The following ADAP2 variants were observed in gnomAD, a reference collection of about 807,000 sequenced individuals.
ADAP2 encodes ArfGAP with dual PH domains 2.
A neutral mutation model predicts 54.9 loss-of-function variants in ADAP2; 42 were observed. That is an observed-to-expected ratio of 0.77 (90% CI 0.60 to 0.99). The LOEUF (loss-of-function observed/expected upper bound fraction) is 0.99. Ranked by LOEUF, ADAP2 falls within the 50% of genes least tolerant of loss-of-function variation. ADAP2 has a pLI of 0.00. For missense variants in ADAP2, 429 were observed against 480.4 expected, an observed-to-expected ratio of 0.89 and a Z score of 1.00; for synonymous variants, 177 against 180.1, an observed-to-expected ratio of 0.98 and a Z score of 0.14.
At chr17:30,939,924 A>T (rs1438844095) in intron 5 of ADAP2, among the ~76,000 whole-genome samples, 2 of 152,104 alleles carry the variant, frequency 1.3e-5, no homozygotes, top group East Asian at 3.8e-4. Flanking sequence ...GGGTCCTGGG[A>T]ATTTAACCAT....
rs555813486 is a variant in ADAP2 at position 30,949,254 on chromosome 17, C to T, written c.658-33C>T. On this transcript the variant is annotated intron_variant, in intron 6 of 10. Coordinates refer to ENST00000330889, the MANE Select transcript of ADAP2 (RefSeq NM_018404.3). ...GCTTCCCACCCACCCCATCTCACTG[C>T]TGTGTGTGTGTCCTGTGCACTTCTC... 7 of 1,544,820 alleles carry T rather than the reference C, an allele frequency of 4.5e-6. No individual in the cohort carries two copies. In the South Asian group the frequency reaches 6.7e-5, roughly 15 times the overall value.
Position 30,957,961 on chromosome 17 carries a change from C to A in ADAP2, c.*92C>A. 8.2e-7 allele frequency: 1 copy of A among 1,224,266 alleles called. No individual in the cohort carries two copies. Among genetic ancestry groups the A allele is most frequent in the Non-Finnish European group, 1.2e-6 (1 of 844,548 alleles). 75.8% of individuals were successfully genotyped at this position (1,224,266 alleles called of 1,614,324 possible). On this transcript the variant is annotated 3_prime_UTR_variant, in exon 11 of 11. Coordinates refer to ENST00000330889, the MANE Select transcript of ADAP2 (RefSeq NM_018404.3). ...CGGCCCTGGCTGCCCACCATCAGTG[C>A]CCCGCAGTCAGCAGCCATTCCTGGC...
At chr17:30,949,506 T>C in intron 7 of ADAP2, 136 bp downstream of exon 7, 1 of 717,170 alleles carries the variant, frequency 1.4e-6, no homozygotes, top group Non-Finnish European at 2.4e-6. Context: ...CCCAGCACTT[T>C]GGGAGGCTGA....
At chr17:30,955,248 T>C (rs1904980039) in intron 9 of ADAP2, among the ~76,000 whole-genome samples, 1 of 151,328 alleles carries the variant, frequency 6.6e-6, no homozygotes, top group African/African-American at 2.4e-5. Flanking sequence ...TAGCTCAGAA[T>C]ACAGGCATGC....
chr17:30,932,467 T>C (rs1477768490), intron 4 of ADAP2, among the ~76,000 whole-genome samples: 4 of 152,046 alleles, frequency 2.6e-5, no homozygotes, highest in Admixed American at 2.6e-4. Flanking sequence ...TTGCCCAGGC[T>C]GGTCTTGAAC....
chr17:30,925,611 A>C (rs1447272577), intron 2 of ADAP2, among the ~76,000 whole-genome samples: 1 of 113,580 alleles, frequency 8.8e-6, no homozygotes, highest in Admixed American at 1.1e-4. Context: ...TTTTTTTTTG[A>C]GACGGAGTCT....
Position 30,956,265 on chromosome 17 carries a change from T to C in ADAP2, c.907T>C (p.Phe303Leu). ...GGATGCCTTCGAGCAGGGCCAGGTTTTTCTTGGGAACAAGGAGCAGGGATA... is the reference window on the plus strand; with the variant it reads ...GGATGCCTTCGAGCAGGGCCAGGTTCTTCTTGGGAACAAGGAGCAGGGATA... ...PLDAFEQGQV[F>L]LGNKEQGYEA... The change falls in exon 10 of 11, where the codon TTT becomes CTT. Residue 303 changes from phenylalanine to leucine, a missense_variant. By Grantham distance (22) the Phe-to-Leu change is conservative. Coordinates refer to ENST00000330889, the MANE Select transcript of ADAP2 (RefSeq NM_018404.3). 2 of 1,614,160 alleles carry C rather than the reference T, an allele frequency of 1.2e-6. No individual in the cohort carries two copies. Among genetic ancestry groups the C allele is most frequent in the South Asian group, 1.1e-5 (1 of 91,086 alleles).
chr17:30,936,171 T>C (rs1911857741), intron 5 of ADAP2, among the ~76,000 whole-genome samples: 1 of 152,178 alleles, frequency 6.6e-6, no homozygotes, highest in Non-Finnish European at 1.5e-5. Context: ...TTTATTTTTT[T>C]AGAGACAGAG....
At chr17:30,947,700 A>C (rs1912778978) in intron 6 of ADAP2, among the ~76,000 whole-genome samples, 1 of 152,208 alleles carries the variant, frequency 6.6e-6, no homozygotes, top group African/African-American at 2.4e-5. Flanking sequence ...GATCCCTGGA[A>C]TACTAGGCCT....
Position 30,934,196 on chromosome 17 carries a change from G to C in ADAP2, c.409G>C (p.Gly137Arg). The C allele has an allele frequency of 6.2e-7, 1 of 1,613,984 alleles. No homozygotes were observed. The highest frequency in any genetic ancestry group is 8.5e-7 in the Non-Finnish European group (1 of 1,179,906). Residue 137 changes from glycine to arginine, a missense_variant, in exon 5 of 11, where the codon GGA becomes CGA. Transcript: ENST00000330889. The stretch of plus-strand genomic sequence containing the variant: ...CCTTGCTGCTTAAGGTAACCGAGAA[G>C]GATTCCTGTGGAAGCGAGGAAGGGA... The part of the protein sequence containing the change: ...ETISLPGNRE[G>R]FLWKRGRDNS...
intron 5 of ADAP2, among the ~76,000 whole-genome samples, chr17:30,937,931 T>C (rs1235566693): frequency 2.0e-5 from 3 of 152,238 alleles, no homozygotes; most frequent in Non-Finnish European, 4.4e-5. Flanking sequence ...GTTTCCTGAA[T>C]TCTAAACCCA....
At chr17:30,929,062 T>C (rs1911293335) in intron 3 of ADAP2, among the ~76,000 whole-genome samples, 1 of 152,218 alleles carries the variant, frequency 6.6e-6, no homozygotes, top group African/African-American at 2.4e-5. Context: ...AATTAAGAGC[T>C]AGTAATGTAC....
chr17:30,922,994 G>A lies in ADAP2; in HGVS notation c.149G>A (p.Gly50Asp). 6.2e-7 allele frequency: 1 copy of A among 1,614,104 alleles called. No individual in the cohort carries two copies. The highest frequency in any genetic ancestry group is 8.5e-7 in the Non-Finnish European group (1 of 1,180,024). ...LGIFICLNCC[G>D]VHRNFPDISR... ...ATCTTCATCTGTCTCAACTGCTGCG[G>A]CGTCCACCGTAACTTCCCTGACATC... is the stretch of plus-strand genomic sequence containing the variant. The change falls in exon 2 of 11, where the codon GGC (glycine) becomes GAC (aspartate). Residue 50 changes from glycine to aspartate, a missense_variant. Gly to Asp is a moderately conservative substitution (Grantham distance 94, BLOSUM62 -1). Transcript: ENST00000330889.
chr17:30,929,953 G>A (rs1198392835), intron 3 of ADAP2, among the ~76,000 whole-genome samples: 1 of 152,112 alleles, frequency 6.6e-6, no homozygotes, highest in Non-Finnish European at 1.5e-5. Flanking sequence ...CTGAGCTCAA[G>A]CCATCTGCCT....
chr17:30,957,966 C>T lies in ADAP2; in HGVS notation c.*97C>T. 8.7e-7 allele frequency: 1 copy of T among 1,148,508 alleles called. No homozygotes were observed. The highest frequency in any genetic ancestry group is 2.5e-5 in the East Asian group (1 of 39,340). 71.1% of individuals were successfully genotyped at this position (1,148,508 alleles called of 1,614,324 possible). A position where few individuals can be genotyped will look rare whatever the true frequency, so the allele number is the denominator to read the frequency against. On this transcript the variant is annotated 3_prime_UTR_variant, in exon 11 of 11. Transcript: ENST00000330889. ...CTGGCTGCCCACCATCAGTGCCCCGCAGTCAGCAGCCATTCCTGGCAGTGA... is the reference window on the plus strand; with the variant it reads ...CTGGCTGCCCACCATCAGTGCCCCGTAGTCAGCAGCCATTCCTGGCAGTGA...
intron 10 of ADAP2, 95 bp downstream of exon 10, chr17:30,956,564 T>G (rs1410525126): frequency 2.8e-6 from 3 of 1,065,040 alleles, no homozygotes; most frequent in African/African-American, 1.6e-5. Flanking sequence ...CCACAAAAGA[T>G]TCCTGATTCC....
At chr17:30,939,990 C>G (rs140178746) in intron 5 of ADAP2, among the ~76,000 whole-genome samples, 33 of 152,186 alleles carry the variant, frequency 2.2e-4, no homozygotes, top group African/African-American at 7.7e-4. Context: ...GAGACAGGGT[C>G]TTGCTCTTTC....
In ADAP2 at chr17:30,944,977, AC is replaced by A. The variant is rs1912548281; in HGVS notation, c.586del (p.His196MetfsTer26). On this transcript the variant is annotated frameshift_variant, in exon 6 of 11. Coordinates refer to ENST00000330889, the MANE Select transcript of ADAP2 (RefSeq NM_018404.3). LOFTEE classifies it high-confidence loss of function. ...NATFQTEKIG[H>X]PHGLQITYRR... ...ACCTTCCAGACAGAGAAGATAGGGC[AC>A]CCCCATGGGCTGCAGATCACCTACA... 9.3e-6 allele frequency: 15 copies of A among 1,613,870 alleles called. No individual in the cohort carries two copies. In the East Asian group the frequency reaches 3.3e-4, roughly 36 times the overall value.
In ADAP2 at chr17:30,956,226, A is replaced by T; in HGVS notation, c.883-15A>T. On this transcript the variant is annotated splice_polypyrimidine_tract_variant and intron_variant, in intron 9 of 10. Transcript: ENST00000330889. ...TGGGGGCACCCTCTGATGACCCTGTACTCTCCATTTTCAGGATGCCTTCGA... is the reference window on the plus strand; with the variant it reads ...TGGGGGCACCCTCTGATGACCCTGTTCTCTCCATTTTCAGGATGCCTTCGA... 2 of 1,613,410 alleles carry T rather than the reference A, an allele frequency of 1.2e-6. No homozygotes were observed. The highest frequency in any genetic ancestry group is 1.7e-6 in the Non-Finnish European group (2 of 1,179,526).
Sources: gnomAD v4.1 joint callset for allele counts (sites outside exome capture counted in the v4.1 genomes callset) on GRCh38, gnomAD v4.1.1 for gene constraint, MANE v1.5 for transcripts, NCBI Gene and HGNC (gene_info 2026-07-23, HGNC 2026-07-21) for gene names.